POC5: variants seen among roughly 807,000 people sequenced by gnomAD.
The protein encoded by POC5 is centrosomal protein POC5.
Under a neutral mutation model 62.9 loss-of-function variants are expected in POC5, and 48 were observed. The ratio of observed to expected loss-of-function variants is 0.76; its 90% CI spans 0.61 to 0.97. POC5 has a LOEUF of 0.97. Among genes scored for constraint, POC5 ranks in the 50% least tolerant of loss-of-function variants. POC5 has a pLI of 0.00. For synonymous variants in POC5, 236 were observed against 228.2 expected, an observed-to-expected ratio of 1.03 and a Z score of -0.31; for missense variants, 696 against 679.5, an observed-to-expected ratio of 1.02 and a Z score of -0.27.
At chr5:75,684,315 T>TAA (rs76117708) in intron 10 of POC5, among the ~76,000 whole-genome samples, 44,532 of 151,088 alleles carry the variant, frequency 0.29, 6,680 homozygotes, top group African/African-American at 0.35. Context: ...TCTTCAAACA[T>TAA]AGTCTGTCCT....
intron 8 of POC5, chr5:75,689,718 C>A (rs1178399167): frequency 1.0e-6 from 1 of 962,864 alleles, no homozygotes; most frequent in African/African-American, 1.8e-5. Context: ...TATTTTTAAT[C>A]TTAACAATTT....
intron 10 of POC5, among the ~76,000 whole-genome samples, chr5:75,681,229 A>T (rs1775856124): frequency 6.6e-6 from 1 of 152,152 alleles, no homozygotes; most frequent in Non-Finnish European, 1.5e-5. Context: ...TCGTGTCCTT[A>T]GGCAAGTTGC....
At chr5:75,681,634 A>G (rs1775870848) in intron 10 of POC5, among the ~76,000 whole-genome samples, 1 of 137,762 alleles carries the variant, frequency 7.3e-6, no homozygotes, top group Non-Finnish European at 1.6e-5. Flanking sequence ...AATTTTTTAA[A>G]ATAATAATAT....
chr5:75,695,099 T>C (rs548131773), intron 5 of POC5, among the ~76,000 whole-genome samples: 2 of 152,318 alleles, frequency 1.3e-5, no homozygotes, highest in African/African-American at 4.8e-5. Flanking sequence ...AAATTTCAGG[T>C]CTCATTCACT....
chr5:75,677,176 T>A (rs1299659483), intron 11 of POC5, among the ~76,000 whole-genome samples: 1 of 152,238 alleles, frequency 6.6e-6, no homozygotes, highest in African/African-American at 2.4e-5. Context: ...TTGATTTGTA[T>A]ATATCACAAA....
chr5:75,677,986 G>A (rs913196613), intron 10 of POC5, 36 bp from the exon 11 acceptor site: 6 of 1,425,310 alleles, frequency 4.2e-6, no homozygotes, highest in Admixed American at 2.5e-5. Flanking sequence ...GTAACAAGGT[G>A]GCAGAAAATC....
chr5:75,689,933 T>C, intron 8 of POC5, among the ~76,000 whole-genome samples: 1 of 152,208 alleles, frequency 6.6e-6, no homozygotes, highest in Non-Finnish European at 1.5e-5. Context: ...GTTGCCTAGG[T>C]TGGAGTGCAA....
intron 10 of POC5, among the ~76,000 whole-genome samples, chr5:75,679,329 T>C (rs1775788578): frequency 6.6e-6 from 1 of 152,186 alleles, no homozygotes; most frequent in South Asian, 2.1e-4. Context: ...TCATTTTTTC[T>C]CTAAACAGTT....
intron 2 of POC5, among the ~76,000 whole-genome samples, chr5:75,708,629 A>G (rs184940035): frequency 6.6e-6 from 1 of 152,304 alleles, no homozygotes; most frequent in East Asian, 1.9e-4. Flanking sequence ...GTTTTTATTA[A>G]CTGATTGCAT....
rs201228814 is a variant in POC5 at position 75,690,377 on chromosome 5, G to A, written c.975+6C>T. On this transcript the variant is annotated splice_donor_region_variant and intron_variant, in intron 8 of 11. Coordinates refer to ENST00000428202, the MANE Select transcript of POC5 (RefSeq NM_001099271.2). The stretch of plus-strand genomic sequence containing the variant: ...AAGAAAGTGAAAACCAGAAAAAGAT[G>A]CTTACCATAGCAACTTTGGCTTCAT... The A allele has an allele frequency of 3.1e-6, 5 of 1,599,272 alleles. No individual in the cohort carries two copies. The highest frequency in any genetic ancestry group is 4.3e-6 in the Non-Finnish European group (5 of 1,173,806).
chr5:75,704,244 A>G (rs1300305339), intron 4 of POC5, among the ~76,000 whole-genome samples: 4 of 152,098 alleles, frequency 2.6e-5, no homozygotes, highest in African/African-American at 9.7e-5. Flanking sequence ...ATCACTTGTC[A>G]CATATCTCAC....
chr5:75,687,720 T>C (rs1776155864), intron 9 of POC5, among the ~76,000 whole-genome samples: 1 of 152,192 alleles, frequency 6.6e-6, no homozygotes. Flanking sequence ...TCTTTTTAAG[T>C]AGGTTATAAG....
Position 75,677,878 on chromosome 5 carries a change from A to G in POC5, c.1480T>C (p.Cys494Arg), listed in dbSNP as rs540173355. The G allele has an allele frequency of 6.2e-6, 10 of 1,611,532 alleles. No homozygotes were observed. In the African/African-American group the frequency reaches 1.3e-4, roughly 22 times the overall value. ...ATTCTATTTTTTGAAGCAAAATCAC[A>G]TCTTCCTGTGATCCGGGCTGTAATA... ...RTITARITGR[C>R]DFASKNRISS... The change falls in exon 11 of 12, where the codon TGT (cysteine) becomes CGT (arginine). Residue 494 changes from cysteine to arginine, a missense_variant. Cys to Arg is a radical substitution (Grantham distance 180, BLOSUM62 -3). Coordinates refer to ENST00000428202, the MANE Select transcript of POC5 (RefSeq NM_001099271.2).
At chr5:75,715,223 T>C (rs1483930595) in intron 1 of POC5, among the ~76,000 whole-genome samples, 1 of 142,322 alleles carries the variant, frequency 7.0e-6, no homozygotes, top group African/African-American at 2.7e-5. Flanking sequence ...GGCAGGAGAA[T>C]GGCGTGAACC....
At chr5:75,685,059 G>A in intron 10 of POC5, 148 bp downstream of exon 10, 1 of 822,942 alleles carries the variant, frequency 1.2e-6, no homozygotes, top group Non-Finnish European at 1.8e-6. Context: ...AGTAGAGACG[G>A]GGTTTCACCG....
chr5:75,715,278 C>T (rs1463975879), intron 1 of POC5, among the ~76,000 whole-genome samples: 1 of 143,856 alleles, frequency 7.0e-6, no homozygotes, highest in Admixed American at 7.2e-5. Context: ...CCGCTGCACT[C>T]CAGCCTGGGC....
intron 1 of POC5, among the ~76,000 whole-genome samples, chr5:75,715,432 G>C (rs1371226998): frequency 1.3e-5 from 2 of 152,086 alleles, no homozygotes; most frequent in Middle Eastern, 3.2e-3. Context: ...CATGGTAGAA[G>C]GGGAAGCAGG....
At chr5:75,716,520 G>T (rs1433633863) in intron 1 of POC5, among the ~76,000 whole-genome samples, 1 of 152,018 alleles carries the variant, frequency 6.6e-6, no homozygotes, top group Non-Finnish European at 1.5e-5. Flanking sequence ...TCTTCCATCT[G>T]CCCTGCTTTA....
At chr5:75,685,044 T>G (rs1192519700) in intron 10 of POC5, among the ~76,000 whole-genome samples, 163 bp downstream of exon 10, 1 of 152,014 alleles carries the variant, frequency 6.6e-6, no homozygotes, top group Admixed American at 6.6e-5. Context: ...ATTTTTCGTA[T>G]TTTTAGTAGA....
Sources: gnomAD v4.1 joint callset for allele counts (sites outside exome capture counted in the v4.1 genomes callset) on GRCh38, gnomAD v4.1.1 for gene constraint, MANE v1.5 for transcripts, NCBI Gene and HGNC (gene_info 2026-07-23, HGNC 2026-07-21) for gene names.